Variants in VTI1A observed in about 807,000 individuals in gnomAD.
VTI1A encodes the protein vesicle transport through interaction with t-SNAREs homolog 1A.
In VTI1A, 22 loss-of-function variants were observed where a neutral mutation model predicts 34.9. The ratio of observed to expected loss-of-function variants is 0.63; its 90% CI spans 0.45 to 0.90. The LOEUF (loss-of-function observed/expected upper bound fraction) is 0.90, where lower values mean the gene tolerates loss of function less well. VTI1A is among the 40% of genes least tolerant of loss of function. The pLI, the probability that VTI1A is intolerant of heterozygous loss-of-function variation, is 0.00. For missense variants in VTI1A, 268 were observed against 275.6 expected (o/e 0.97, Z 0.20); for synonymous variants, 87 against 97.3 (o/e 0.89, Z 0.62).
At chr10:112,601,826 AG>A (rs1377887324) in intron 5 of VTI1A, among the ~76,000 whole-genome samples, 1 of 152,168 alleles carries the variant, frequency 6.6e-6, no homozygotes, top group Non-Finnish European at 1.5e-5. Context: ...ATTTTTCTGA[AG>A]GGCATTGGGA....
At chr10:112,507,233 C>A (rs4918755) in intron 3 of VTI1A, among the ~76,000 whole-genome samples, 142,710 of 152,130 alleles carry the variant, frequency 0.94, 67,055 homozygotes, top group African/African-American at 0.96. Flanking sequence ...AATGCTGGCG[C>A]GTTTCCAGAG....
In VTI1A at chr10:112,779,542, G is replaced by C. The variant is rs118185881; in HGVS notation, c.561-35748G>C. Among the ~76,000 whole-genome samples the C allele has an allele frequency of 2.0e-5, 3 of 152,258 alleles. No individual in the cohort carries two copies. In the South Asian group the frequency reaches 6.2e-4, roughly 32 times the overall value. ...ATATACTCATGCCAAAGGTGTAGGC[G>C]CTGGGCTTATGTTCAGCTATTTCAG... On this transcript the variant is annotated intron_variant, in intron 7 of 7. Transcript: ENST00000393077.
At chr10:112,787,633 A>G (rs546498338) in intron 7 of VTI1A, among the ~76,000 whole-genome samples, 50 of 151,088 alleles carry the variant, frequency 3.3e-4, no homozygotes, top group African/African-American at 1.2e-3. Flanking sequence ...TTCTTTAGAA[A>G]TGTGTTACTC....
intron 3 of VTI1A, among the ~76,000 whole-genome samples, chr10:112,519,174 A>G (rs750619604): frequency 1.3e-5 from 2 of 152,244 alleles, no homozygotes; most frequent in Middle Eastern, 3.4e-3. Context: ...TTGTTTGCCT[A>G]TGAGATGGCT....
chr10:112,510,761 C>T (rs1849581214), intron 3 of VTI1A, among the ~76,000 whole-genome samples: 1 of 152,172 alleles, frequency 6.6e-6, no homozygotes. Flanking sequence ...GAACTGATAA[C>T]TTTGAACTTC....
intron 7 of VTI1A, among the ~76,000 whole-genome samples, chr10:112,774,448 CA>C (rs1851899469): frequency 6.6e-6 from 1 of 152,040 alleles, no homozygotes; most frequent in South Asian, 2.1e-4. Context: ...CTTCCCACTA[CA>C]AAGGAGATGA....
Position 112,447,433 on chromosome 10 carries a change from C to A in VTI1A, c.60C>A (p.Thr20=), listed in dbSNP as rs1846898396. Residue 20 remains threonine (T), a synonymous_variant, in exon 1 of 8, where the codon ACC becomes ACA. Transcript: ENST00000393077. ...TCGCGGTGCTCACTGCAGAGATCAC[C>A]AGCAAGATTGCGAGGGTCCCACGAC... ...QDFAVLTAEI[T]SKIARVPRLP... is the part of the protein sequence containing the mutation. 6.2e-7 allele frequency: 1 copy of A among 1,613,592 alleles called. No individual in the cohort carries two copies.
At chr10:112,631,401 C>T (rs1023950411) in intron 5 of VTI1A, among the ~76,000 whole-genome samples, 1 of 152,152 alleles carries the variant, frequency 6.6e-6, no homozygotes, top group Non-Finnish European at 1.5e-5. Flanking sequence ...ACCCCATCCT[C>T]GTTAGGCAGT....
Position 112,480,791 on chromosome 10 carries a change from T to C in VTI1A, c.264+16134T>C, listed in dbSNP as rs116406293. ...GAGACTTGATTCTTATACTTTGCTA[T>C]ACATTAGAATCTGAGGATCTTAAAA... On this transcript the variant is annotated intron_variant, in intron 3 of 7. Coordinates refer to ENST00000393077, the MANE Select transcript of VTI1A (RefSeq NM_145206.4). Among the ~76,000 whole-genome samples, 999 of 152,282 alleles carry C rather than the reference T, an allele frequency of 6.6e-3. 18 individuals are homozygous for C. The highest frequency in any genetic ancestry group is 0.023 in the African/African-American group (948 of 41,556).
At chr10:112,592,453 G>A (rs1486477406) in intron 5 of VTI1A, among the ~76,000 whole-genome samples, 1 of 152,154 alleles carries the variant, frequency 6.6e-6, no homozygotes, top group Non-Finnish European at 1.5e-5. Context: ...AAAGGCTTCT[G>A]GGAAAGCCCC....
rs77709098 is a variant in VTI1A at position 112,716,867 on chromosome 10, G to A, written c.560+47869G>A. ...ATACCCAACCCCTACAAACTGTTCC[G>A]TTTTACTTGAGGAAAAAAGACAAGG... On this transcript the variant is annotated intron_variant, in intron 7 of 7. Coordinates refer to ENST00000393077, the MANE Select transcript of VTI1A (RefSeq NM_145206.4). Among the ~76,000 whole-genome samples the A allele has an allele frequency of 6.4e-3, 973 of 152,246 alleles. 8 individuals are homozygous for A. The highest frequency in any genetic ancestry group is 0.022 in the African/African-American group (894 of 41,546).
intron 5 of VTI1A, among the ~76,000 whole-genome samples, chr10:112,657,896 T>C (rs1478132424): frequency 6.6e-6 from 1 of 152,054 alleles, no homozygotes; most frequent in Non-Finnish European, 1.5e-5. Flanking sequence ...TCCTCCACAT[T>C]GTAATGCATG....
intron 5 of VTI1A, among the ~76,000 whole-genome samples, chr10:112,643,248 C>G (rs1846651648): frequency 6.7e-6 from 1 of 148,386 alleles, no homozygotes; most frequent in Admixed American, 6.8e-5. Flanking sequence ...ATCTGCTGGT[C>G]TCAGCCTCCC....
chr10:112,492,919 C>T (rs956013187), intron 3 of VTI1A, among the ~76,000 whole-genome samples: 9 of 152,142 alleles, frequency 5.9e-5, no homozygotes, highest in African/African-American at 2.2e-4. Flanking sequence ...TATGACACTT[C>T]TTAGAGGCTC....
chr10:112,536,113 T>G (rs1330210780), intron 4 of VTI1A, among the ~76,000 whole-genome samples: 1 of 152,260 alleles, frequency 6.6e-6, no homozygotes, highest in East Asian at 1.9e-4. Context: ...ACATTAAATA[T>G]TATTATAAAA....
At chr10:112,741,458 G>C (rs907483844) in intron 7 of VTI1A, among the ~76,000 whole-genome samples, 5 of 152,074 alleles carry the variant, frequency 3.3e-5, no homozygotes, top group Non-Finnish European at 5.9e-5. Context: ...ACAAAAGAGT[G>C]ACTGTTAACG....
chr10:112,551,510 G>A (rs1215732933), intron 5 of VTI1A, among the ~76,000 whole-genome samples: 1 of 152,132 alleles, frequency 6.6e-6, no homozygotes, highest in African/African-American at 2.4e-5. Context: ...AATTAAGGTG[G>A]AGGAGAAATT....
intron 7 of VTI1A, among the ~76,000 whole-genome samples, chr10:112,807,853 C>CA (rs1230967979): frequency 2.0e-5 from 3 of 149,900 alleles, no homozygotes; most frequent in Admixed American, 6.6e-5. Context: ...AACTCCGTCT[C>CA]AAAAAAAATA....
intron 7 of VTI1A, chr10:112,752,648 G>A (rs1851141958): frequency 1.2e-6 from 1 of 857,958 alleles, no homozygotes; most frequent in African/African-American, 1.8e-5. Context: ...CTTTAGCTAG[G>A]TGAAGAACAG....
Sources: allele counts gnomAD v4.1 joint callset (sites outside exome capture counted in the v4.1 genomes callset), GRCh38; gene constraint gnomAD v4.1.1; transcripts MANE v1.5; gene names NCBI Gene and HGNC (gene_info 2026-07-23, HGNC 2026-07-21).